The following PATL2 variants were observed in gnomAD, a reference collection of about 807,000 sequenced individuals.
The protein encoded by PATL2 is PAT1 homolog 2.
Under a neutral mutation model 77.0 loss-of-function variants are expected in PATL2, and 73 were observed. That is an observed-to-expected ratio of 0.95 (90% CI 0.78 to 1.15). The LOEUF is 1.15. Among genes scored for constraint, PATL2 ranks in the 50% most tolerant of loss-of-function variants. The pLI is 0.00. For synonymous variants in PATL2, 265 were observed against 257.1 expected (o/e 1.03, Z -0.29); for missense variants, 618 against 655.4 (o/e 0.94, Z 0.62).
At chr15:44,673,886 A>C (rs1381810248) in intron 6 of PATL2, among the ~76,000 whole-genome samples, 4 of 152,196 alleles carry the variant, frequency 2.6e-5, no homozygotes, top group Admixed American at 1.3e-4. Flanking sequence ...AAGATTGCCT[A>C]AGGCAGGAGT....
At chr15:44,700,680 T>G (rs1212895909) in intron 3 of PATL2, among the ~76,000 whole-genome samples, 1 of 152,184 alleles carries the variant, frequency 6.6e-6, no homozygotes, top group Non-Finnish European at 1.5e-5. Flanking sequence ...GTCCTTAGGT[T>G]TTTTTCAAAT....
chr15:44,675,604 T>C lies in PATL2; in HGVS notation c.104A>G (p.Glu35Gly). 6.4e-7 allele frequency: 1 copy of C among 1,551,312 alleles called. No individual in the cohort carries two copies. Among genetic ancestry groups the C allele is most frequent in the Non-Finnish European group, 8.7e-7 (1 of 1,146,994 alleles). Residue 35 changes from glutamate (E) to glycine (G), a missense_variant, in exon 5 of 18, where the codon GAG (glutamate) becomes GGG (glycine). By Grantham distance (98) the Glu-to-Gly change is moderately conservative (BLOSUM62 -2). Transcript: ENST00000682850. ...QLEKEEENEG[E>G]EEEEEEDEED... ...CTCGTCCTCCTCCTCTTCCTCCTCC[T>C]CCCCTTCATTCTCTTCTTCTTTTTC...
intron 5 of PATL2, chr15:44,674,460 T>C (rs185551939): frequency 4.0e-6 from 2 of 493,866 alleles, no homozygotes; most frequent in Non-Finnish European, 7.2e-6. Context: ...TCATGAGACA[T>C]ATATGTTCCG....
At chr15:44,671,897 T>C (rs2085699265) in intron 9 of PATL2, 118 bp downstream of exon 9, 1 of 1,285,530 alleles carries the variant, frequency 7.8e-7, no homozygotes. Flanking sequence ...GTAGTGATTC[T>C]CTCTCCCACC....
intron 2 of PATL2, among the ~76,000 whole-genome samples, chr15:44,710,662 T>C (rs916595557): frequency 6.6e-6 from 1 of 152,218 alleles, no homozygotes. Flanking sequence ...ATATATTCAC[T>C]AATTCATTCA....
intron 3 of PATL2, among the ~76,000 whole-genome samples, chr15:44,686,641 A>G (rs187559831): frequency 2.6e-5 from 4 of 152,286 alleles, no homozygotes; most frequent in Admixed American, 2.0e-4. Flanking sequence ...GAAAAGATCA[A>G]TAAAATAGAC....
chr15:44,683,961 G>A (rs2086193483), intron 3 of PATL2, among the ~76,000 whole-genome samples: 1 of 152,070 alleles, frequency 6.6e-6, no homozygotes, highest in African/African-American at 2.4e-5. Flanking sequence ...ACAGGGTCTG[G>A]AGTGGACCTC....
chr15:44,689,920 T>C (rs1006940202), intron 3 of PATL2, among the ~76,000 whole-genome samples: 1 of 152,186 alleles, frequency 6.6e-6, no homozygotes, highest in Non-Finnish European at 1.5e-5. Flanking sequence ...CCAAGCATGG[T>C]GTCTCACACC....
intron 7 of PATL2, among the ~76,000 whole-genome samples, chr15:44,672,734 T>A (rs2085751400): frequency 6.6e-6 from 1 of 152,176 alleles, no homozygotes. Context: ...TAGTCTCAGT[T>A]CCATCATGCT....
At chr15:44,671,947 A>T (rs2085702023) in intron 9 of PATL2, 68 bp downstream of exon 9, 1 of 1,528,022 alleles carries the variant, frequency 6.5e-7, no homozygotes, top group African/African-American at 1.4e-5. Context: ...AGAGGATCAG[A>T]GCGGGCCCGG....
At position 44,672,105 on chromosome 15, in the gene PATL2, G is replaced by A. The variant is rs546203461; in HGVS notation, c.567C>T (p.Leu189=). The change falls in exon 9 of 18, where the codon CTC becomes CTT. Residue 189 remains leucine, a synonymous_variant. Coordinates refer to ENST00000682850, the MANE Select transcript of PATL2 (RefSeq NM_001387263.1). ...CCCAGTCCTTCTCTTTTCTGGTCAT[G>A]AGGTTAGCATAGGGGTCTGGCTGCT... ...WSQQPDPYAN[L]MTRKEKDWVI... 6.4e-7 allele frequency: 1 copy of A among 1,551,716 alleles called. No homozygotes were observed. Among genetic ancestry groups the A allele is most frequent in the South Asian group, 1.2e-5 (1 of 84,064 alleles).
In PATL2 at chr15:44,711,312, T is replaced by G. The variant is rs2086856582; in HGVS notation, c.-546A>C. The stretch of plus-strand genomic sequence containing the variant: ...CGCACCCCAGATCGGAGGGCGCCGA[T>G]GTACAGACAGCAAACTCACCCAGTC... On this transcript the variant is annotated 5_prime_UTR_variant, in exon 1 of 18. Coordinates refer to ENST00000682850, the MANE Select transcript of PATL2 (RefSeq NM_001387263.1). The G allele has an allele frequency of 3.2e-6, 2 of 618,416 alleles. No individual in the cohort carries two copies. Among genetic ancestry groups the G allele is most frequent in the South Asian group, 3.7e-5 (2 of 54,298 alleles). The allele number at this position is 618,416 out of a possible 1,614,324, so 38.3% of individuals were successfully genotyped here. A position where few individuals can be genotyped will look rare whatever the true frequency, so the allele number is the denominator to read the frequency against.
chr15:44,680,508 G>A (rs2086110053), intron 3 of PATL2, among the ~76,000 whole-genome samples: 1 of 152,034 alleles, frequency 6.6e-6, no homozygotes, highest in Admixed American at 6.5e-5. Flanking sequence ...CTTCCAGGTG[G>A]GGGGCTCTCC....
At chr15:44,681,779 C>A (rs2086138619) in intron 3 of PATL2, among the ~76,000 whole-genome samples, 1 of 152,150 alleles carries the variant, frequency 6.6e-6, no homozygotes, top group Admixed American at 6.5e-5. Context: ...GATCAGACAC[C>A]CCTCAACTTA....
In PATL2 at chr15:44,711,206, G is replaced by A; in HGVS notation, c.-440C>T. On this transcript the variant is annotated 5_prime_UTR_variant, in exon 1 of 18. Transcript: ENST00000682850. Reference sequence around the variant, plus strand: ...AAGTCACTTAGCATCTCTGGGGCCAGTCTGCAAAGCGAGGGGGCAGCCTTA... The same window carrying A: ...AAGTCACTTAGCATCTCTGGGGCCAATCTGCAAAGCGAGGGGGCAGCCTTA... 1 of 496,952 alleles carries A rather than the reference G, an allele frequency of 2.0e-6. No homozygotes were observed. Among genetic ancestry groups the A allele is most frequent in the Non-Finnish European group, 3.7e-6 (1 of 271,058 alleles). The allele number at this position is 496,952 out of a possible 1,614,324, so 30.8% of individuals were successfully genotyped here.
In PATL2 at chr15:44,674,611, A is replaced by G. The variant is rs1358994465; in HGVS notation, c.223-381T>C. On this transcript the variant is annotated intron_variant, in intron 5 of 17. Transcript: ENST00000682850. The stretch of plus-strand genomic sequence containing the variant: ...GAGTCAGGGTCTTGCTCTGTCACCC[A>G]GGCTGGAGTGCAGTGGCACCATCAT... Among the ~76,000 whole-genome samples, 25 of 152,330 alleles carry G rather than the reference A, an allele frequency of 1.6e-4. 1 individual carries two copies. The highest frequency in any genetic ancestry group is 3.7e-4 in the Non-Finnish European group (25 of 68,038).
chr15:44,682,720 T>C (rs2086161343), intron 3 of PATL2, among the ~76,000 whole-genome samples: 1 of 152,222 alleles, frequency 6.6e-6, no homozygotes, highest in Non-Finnish European at 1.5e-5. Flanking sequence ...AACTTCTATA[T>C]TGAAGACATA....
chr15:44,699,039 T>C (rs2086573734), intron 3 of PATL2, among the ~76,000 whole-genome samples: 1 of 152,252 alleles, frequency 6.6e-6, no homozygotes, highest in South Asian at 2.1e-4. Flanking sequence ...CATTTGTATG[T>C]CTTCTTTTGA....
In PATL2 at chr15:44,667,615, A is replaced by C. The variant is rs1385157272; in HGVS notation, c.1366-412T>G. Among the ~76,000 whole-genome samples, 3 of 152,310 alleles carry C rather than the reference A, an allele frequency of 2.0e-5. No homozygotes were observed. In the East Asian group the frequency reaches 5.8e-4, roughly 29 times the overall value. On this transcript the variant is annotated intron_variant, in intron 15 of 17. Coordinates refer to ENST00000682850, the MANE Select transcript of PATL2 (RefSeq NM_001387263.1). Reference sequence around the variant, plus strand: ...AGAGAGCATCAAAATTTTCACATCTAGAGTCTCATTCTTTAAAATTTTCTG... The same window carrying C: ...AGAGAGCATCAAAATTTTCACATCTCGAGTCTCATTCTTTAAAATTTTCTG...
Sources: gnomAD v4.1 joint callset for allele counts (sites outside exome capture counted in the v4.1 genomes callset) on GRCh38, gnomAD v4.1.1 for gene constraint, MANE v1.5 for transcripts, NCBI Gene and HGNC (gene_info 2026-07-23, HGNC 2026-07-21) for gene names.